The following IFT43 variants were observed in gnomAD, a reference collection of about 807,000 sequenced individuals.
The protein encoded by IFT43 is intraflagellar transport protein 43 homolog.
In IFT43, 33 loss-of-function variants were observed where a neutral mutation model predicts 32.3. That is an observed-to-expected ratio of 1.02 (90% CI 0.77 to 1.37). IFT43 has a LOEUF of 1.37. Among genes scored for constraint, IFT43 ranks in the 40% most tolerant of loss-of-function variants. The pLI is 0.00. For synonymous variants in IFT43, 93 were observed against 98.2 expected (o/e 0.95, Z 0.31); for missense variants, 274 against 265.9 (o/e 1.03, Z -0.21).
chr14:76,083,354 G>C, intron 8 of IFT43, 65 bp downstream of exon 8: 4 of 1,610,456 alleles, frequency 2.5e-6, no homozygotes, highest in Non-Finnish European at 3.4e-6. Context: ...GCCGACTCCC[G>C]GGCTGGCCTG....
chr14:75,994,106 T>C (rs2139874097), intron 2 of IFT43, among the ~76,000 whole-genome samples: 1 of 151,842 alleles, frequency 6.6e-6, no homozygotes, highest in Non-Finnish European at 1.5e-5. Flanking sequence ...GAAAGCCCTT[T>C]TTTTTTTTTG....
rs181763719 is a variant in IFT43, at chr14:76,073,969, C to G, written c.296-8326C>G. The stretch of plus-strand genomic sequence containing the variant: ...TGTGATCAAAACCAGCTGGCTGTCA[C>G]CAGCAGTGGCCTTGTGCAGAGGGAG... On this transcript the variant is annotated intron_variant, in intron 5 of 8. Transcript: ENST00000314067. 2.0e-5 allele frequency among the ~76,000 whole-genome samples: 3 copies of G among 152,280 alleles called. No individual in the cohort carries two copies. The East Asian group carries it at 5.8e-4, about 29-fold the overall frequency.
At chr14:76,075,569 A>C (rs1013996518) in intron 5 of IFT43, among the ~76,000 whole-genome samples, 3 of 152,230 alleles carry the variant, frequency 2.0e-5, no homozygotes, top group Non-Finnish European at 4.4e-5. Context: ...TGGTTACTGG[A>C]GCGTTTGATG....
intron 3 of IFT43, among the ~76,000 whole-genome samples, chr14:76,031,548 G>C (rs920725600): frequency 2.0e-5 from 3 of 152,192 alleles, no homozygotes; most frequent in Non-Finnish European, 4.4e-5. Flanking sequence ...TCTTATGGAG[G>C]AGCTTTGTTT....
chr14:76,055,295 A>G (rs923574615), intron 3 of IFT43, among the ~76,000 whole-genome samples: 4 of 151,706 alleles, frequency 2.6e-5, no homozygotes, highest in Admixed American at 2.6e-4. Context: ...GCAGTGAACC[A>G]TGATCTCAAC....
chr14:76,010,791 T>C (rs2036068871), intron 2 of IFT43, among the ~76,000 whole-genome samples: 1 of 152,148 alleles, frequency 6.6e-6, no homozygotes. Context: ...GTCTTCAAAG[T>C]ATTTTTATAG....
intron 5 of IFT43, among the ~76,000 whole-genome samples, chr14:76,071,624 C>A (rs1204954682): frequency 6.6e-6 from 1 of 152,126 alleles, no homozygotes. Flanking sequence ...TTTACTTCCT[C>A]CATACAGGTA....
At chr14:76,019,585 A>G (rs1304283507) in intron 2 of IFT43, among the ~76,000 whole-genome samples, 5 of 152,134 alleles carry the variant, frequency 3.3e-5, no homozygotes, top group Admixed American at 2.6e-4. Flanking sequence ...GAGACCTTCA[A>G]GCTTCCTGTA....
chr14:76,060,639 T>C (rs1412043774), intron 5 of IFT43, among the ~76,000 whole-genome samples: 1 of 152,106 alleles, frequency 6.6e-6, no homozygotes, highest in Non-Finnish European at 1.5e-5. Flanking sequence ...AAAAACTTTA[T>C]CATTATTTTG....
intron 1 of IFT43, among the ~76,000 whole-genome samples, chr14:75,987,709 A>G (rs2035555947): frequency 6.6e-6 from 1 of 152,232 alleles, no homozygotes; most frequent in Non-Finnish European, 1.5e-5. Context: ...AGCACCCAAG[A>G]GTCTGACTAA....
intron 2 of IFT43, 153 bp from the exon 3 acceptor site, chr14:76,022,174 C>A (rs1313986062): frequency 5.8e-6 from 1 of 171,966 alleles, no homozygotes; most frequent in African/African-American, 2.4e-5. Context: ...TCGCTTGAAC[C>A]CAGGAGGCGG....
chr14:76,028,941 T>C (rs964949749), intron 3 of IFT43, among the ~76,000 whole-genome samples: 1 of 152,236 alleles, frequency 6.6e-6, no homozygotes, highest in African/African-American at 2.4e-5. Context: ...AGTGTCTTTT[T>C]GATAGAATGA....
At chr14:76,045,225 G>A (rs1298611520) in intron 3 of IFT43, among the ~76,000 whole-genome samples, 2 of 152,066 alleles carry the variant, frequency 1.3e-5, no homozygotes, top group Non-Finnish European at 2.9e-5. Flanking sequence ...TTGTGGAGAG[G>A]GTCTGCTCAT....
chr14:76,037,209 C>G (rs188183673), intron 3 of IFT43, among the ~76,000 whole-genome samples: 1 of 152,222 alleles, frequency 6.6e-6, no homozygotes, highest in Non-Finnish European at 1.5e-5. Flanking sequence ...CATTTAGGCC[C>G]AGTTTTGGCA....
intron 5 of IFT43, among the ~76,000 whole-genome samples, chr14:76,068,022 GA>G (rs1441227887): frequency 6.6e-6 from 1 of 152,210 alleles, no homozygotes; most frequent in African/African-American, 2.4e-5. Context: ...TTGTTGGGGG[GA>G]CAAGGCATAA....
intron 5 of IFT43, among the ~76,000 whole-genome samples, chr14:76,079,947 G>A (rs7143217): frequency 6.6e-6 from 1 of 151,580 alleles, no homozygotes; most frequent in East Asian, 1.9e-4. Flanking sequence ...GAGTGGGGAG[G>A]GGGGAAGGAG....
chr14:76,076,471 T>G, intron 5 of IFT43: 18 of 1,412,978 alleles, frequency 1.3e-5, no homozygotes, highest in East Asian at 2.5e-5. Flanking sequence ...AGGGGCCAGA[T>G]TGGGGTGTCT....
intron 2 of IFT43, among the ~76,000 whole-genome samples, chr14:75,998,219 C>T (rs529746810): frequency 1.3e-5 from 2 of 152,332 alleles, no homozygotes; most frequent in South Asian, 2.1e-4. Context: ...TCCCTGGAGA[C>T]TGGCACTTTG....
chr14:76,013,237 A>C (rs10130024), intron 2 of IFT43, among the ~76,000 whole-genome samples: 17,184 of 152,248 alleles, frequency 0.11, 1,066 homozygotes, highest in African/African-American at 0.17. Context: ...GAAGAACAAA[A>C]TAAATCATGC....
Sources: allele counts gnomAD v4.1 joint callset (sites outside exome capture counted in the v4.1 genomes callset), GRCh38; gene constraint gnomAD v4.1.1; transcripts MANE v1.5; gene names NCBI Gene and HGNC (gene_info 2026-07-23, HGNC 2026-07-21).